LAG3: variants seen among roughly 807,000 people sequenced by gnomAD.
LAG3 encodes the protein lymphocyte activation gene 3 protein.
Under a neutral mutation model 49.0 loss-of-function variants are expected in LAG3, and 29 were observed. The observed-to-expected ratio is 0.59, with a 90% CI of 0.44 to 0.81. The LOEUF (loss-of-function observed/expected upper bound fraction) is 0.81. Ranked by LOEUF, LAG3 falls within the 30% of genes least tolerant of loss-of-function variation. The pLI is 0.00. For missense variants in LAG3, 693 were observed against 695.2 expected, an observed-to-expected ratio of 1.00 and a Z score of 0.04; for synonymous variants, 320 against 297.3, an observed-to-expected ratio of 1.08 and a Z score of -0.79.
At position 6,773,273 on chromosome 12, in the gene LAG3, C is replaced by T; in HGVS notation, c.140C>T (p.Thr47Ile). The T allele has an allele frequency of 6.2e-7, 1 of 1,613,828 alleles. No individual in the cohort carries two copies. Among genetic ancestry groups the T allele is most frequent in the East Asian group, 2.2e-5 (1 of 44,874 alleles). ...GAPAQLPCSP[T>I]IPLQDLSLLR... is the part of the protein sequence containing the mutation. Reference sequence around the variant, plus strand: ...CCTGCCCAGCTCCCCTGCAGCCCCACAATCCCCCTCCAGGATCTCAGCCTT... The same window carrying T: ...CCTGCCCAGCTCCCCTGCAGCCCCATAATCCCCCTCCAGGATCTCAGCCTT... The change falls in exon 2 of 8, where the codon ACA becomes ATA. Residue 47 changes from threonine to isoleucine, a missense_variant. Transcript: ENST00000203629. This position sits in a 1 kb window ranked among gnomAD's most constrained non-coding sequence, Gnocchi z 5.5.
At position 6,772,896 on chromosome 12, in the gene LAG3, T is replaced by G; in HGVS notation, c.44T>G (p.Leu15Arg). 6.2e-7 allele frequency: 1 copy of G among 1,613,596 alleles called. No individual in the cohort carries two copies. The highest frequency in any genetic ancestry group is 8.5e-7 in the Non-Finnish European group (1 of 1,179,868). ...QFLGLLFLQP[L>R]WVAPVKPLQP... ...CTGGGCTTGCTGTTTCTGCAGCCGC[T>G]TTGGGTGGCTCCAGGTAAAACGGGG... Residue 15 changes from leucine to arginine, a missense_variant, in exon 1 of 8, where the codon CTT becomes CGT. Physicochemically the swap from Leu to Arg is moderately radical, Grantham distance 102. Transcript: ENST00000203629.
Position 6,773,277 on chromosome 12 carries a change from C to A in LAG3, c.144C>A (p.Ile48=). ...APAQLPCSPT[I]PLQDLSLLRR... is the part of the protein sequence containing the mutation. ...CCCAGCTCCCCTGCAGCCCCACAAT[C>A]CCCCTCCAGGATCTCAGCCTTCTGC... Residue 48 remains isoleucine, a synonymous_variant, in exon 2 of 8, where the codon ATC becomes ATA. Transcript: ENST00000203629. This position sits in a 1 kb window ranked among gnomAD's most constrained non-coding sequence, Gnocchi z 5.5. The A allele has an allele frequency of 6.2e-7, 1 of 1,613,800 alleles. No individual in the cohort carries two copies. The highest frequency in any genetic ancestry group is 8.5e-7 in the Non-Finnish European group (1 of 1,179,876).
rs375497122 is a variant in LAG3, at chr12:6,778,252, A to T, written c.1440A>T (p.Pro480=). 1 of 1,592,986 alleles carries T rather than the reference A, an allele frequency of 6.3e-7. No individual in the cohort carries two copies. Residue 480 remains proline (P), a synonymous_variant, in exon 8 of 8, where the codon CCA becomes CCT. Transcript: ENST00000203629. ...GFHLWRRQWR[P]RRFSALEQGI... is the part of the protein sequence containing the mutation. The stretch of plus-strand genomic sequence containing the variant: ...TCCATCTCTTCTCACAGTGGCGACC[A>T]AGACGATTTTCTGCCTTAGAGCAAG...
Position 6,773,952 on chromosome 12 carries a change from G to A in LAG3, c.462G>A (p.Arg154=), listed in dbSNP as rs746297010. 13 of 1,437,774 alleles carry A rather than the reference G, an allele frequency of 9.0e-6. No homozygotes were observed. The South Asian group carries it at 1.8e-4, about 20-fold the overall frequency. The allele number at this position is 1,437,774 out of a possible 1,614,324, so 89.1% of individuals were successfully genotyped here. ...AGTACCGCGCCGCGGTGCACCTCAGGGACCGCGCCCTCTCCTGCCGCCTCC... is the reference window on the plus strand; with the variant it reads ...AGTACCGCGCCGCGGTGCACCTCAGAGACCGCGCCCTCTCCTGCCGCCTCC... ...AGEYRAAVHL[R]DRALSCRLRL... The change falls in exon 3 of 8, where the codon AGG becomes AGA. Residue 154 remains arginine (R), a synonymous_variant. Coordinates refer to ENST00000203629, the MANE Select transcript of LAG3 (RefSeq NM_002286.6). The surrounding 1 kb of genome is among the most constrained non-coding windows in gnomAD (Gnocchi z 5.5).
chr12:6,775,145 T>A, intron 4 of LAG3, 128 bp from the exon 5 acceptor site: 1 of 1,097,484 alleles, frequency 9.1e-7, no homozygotes, highest in Admixed American at 2.2e-5. Flanking sequence ...CATCACCTTA[T>A]TCTGCTCCTT....
chr12:6,776,411 A>G (rs1053775733), intron 5 of LAG3, among the ~76,000 whole-genome samples: 5 of 152,154 alleles, frequency 3.3e-5, no homozygotes, highest in Non-Finnish European at 5.9e-5. Flanking sequence ...CTTTCTGTCC[A>G]ATGCCCTCTT....
chr12:6,773,684 C>T lies in LAG3; in HGVS notation c.207-13C>T, dbSNP rs188711312. ...CCCTGGAGCTTCTCAACTCCATTCT[C>T]TTTCCCGCCCAGTGGCCCGCCCGCT... On this transcript the variant is annotated splice_polypyrimidine_tract_variant and intron_variant, in intron 2 of 7. Transcript: ENST00000203629. This position sits in a 1 kb window ranked among gnomAD's most constrained non-coding sequence, Gnocchi z 5.5. 254 of 1,359,514 alleles carry T rather than the reference C, an allele frequency of 1.9e-4. No individual in the cohort carries two copies. The East Asian group carries it at 7.4e-3, about 40-fold the overall frequency. 84.2% of individuals were successfully genotyped at this position (1,359,514 alleles called of 1,614,324 possible). A position where few individuals can be genotyped will look rare whatever the true frequency, so the allele number is the denominator to read the frequency against.
intron 3 of LAG3, among the ~76,000 whole-genome samples, 200 bp downstream of exon 3, chr12:6,774,201 A>G (rs1299087267): frequency 2.0e-5 from 3 of 151,818 alleles, no homozygotes; most frequent in Non-Finnish European, 4.4e-5. Context: ...CTGTGGAGAG[A>G]TTGTGTCACC....
In LAG3 at chr12:6,778,274, C is replaced by A. The variant is rs773580113; in HGVS notation, c.1462C>A (p.Gln488Lys). The A allele has an allele frequency of 4.3e-6, 7 of 1,610,446 alleles. No homozygotes were observed. Among genetic ancestry groups the A allele is most frequent in the Non-Finnish European group, 3.4e-6 (4 of 1,178,320 alleles). Reference protein sequence around the residue: ...WRPRRFSALEQGIHPPQAQSK... With the variant: ...WRPRRFSALEKGIHPPQAQSK... The stretch of plus-strand genomic sequence containing the variant: ...ACCAAGACGATTTTCTGCCTTAGAG[C>A]AAGGGATTCACCCTCCGCAGGCTCA... Residue 488 changes from glutamine (Q) to lysine (K), a missense_variant, in exon 8 of 8, where the codon CAA becomes AAA. Coordinates refer to ENST00000203629, the MANE Select transcript of LAG3 (RefSeq NM_002286.6).
At chr12:6,776,868 A>C (rs1941911044) in intron 5 of LAG3, among the ~76,000 whole-genome samples, 1 of 152,240 alleles carries the variant, frequency 6.6e-6, no homozygotes, top group Non-Finnish European at 1.5e-5. Flanking sequence ...TGCCAGGGCC[A>C]GTTTGAGTGT....
Position 6,774,107 on chromosome 12 carries a change from C to T in LAG3, c.511+106C>T, listed in dbSNP as rs1393873365. The T allele has an allele frequency of 1.6e-5, 21 of 1,327,754 alleles. No individual in the cohort carries two copies. In the African/African-American group the frequency reaches 2.6e-4, roughly 17 times the overall value. 82.2% of individuals were successfully genotyped at this position (1,327,754 alleles called of 1,614,324 possible). A position where few individuals can be genotyped will look rare whatever the true frequency, so the allele number is the denominator to read the frequency against. ...GCAGAGGCTGCGCCCTAGGCCCTGT[C>T]GGAGAGCTCCCAGAAGAGTAGAGGA... On this transcript the variant is annotated intron_variant, in intron 3 of 7. Coordinates refer to ENST00000203629, the MANE Select transcript of LAG3 (RefSeq NM_002286.6).
At chr12:6,775,617 G>A in intron 5 of LAG3, 69 bp downstream of exon 5, 2 of 1,526,766 alleles carry the variant, frequency 1.3e-6, no homozygotes, top group Non-Finnish European at 1.8e-6. Context: ...AGGGCTGGCA[G>A]GGCAAAGACT....
chr12:6,777,766 G>A (rs1941924369), intron 6 of LAG3, 25 bp from the exon 7 acceptor site: 1 of 1,613,222 alleles, frequency 6.2e-7, no homozygotes, highest in African/African-American at 1.3e-5. Context: ...CTGACCCTAT[G>A]CCTCATCCTG....
chr12:6,775,588 G>A (rs1396385065), intron 5 of LAG3, 40 bp downstream of exon 5: 2 of 1,603,814 alleles, frequency 1.2e-6, no homozygotes, highest in Non-Finnish European at 8.5e-7. Flanking sequence ...CCCTCCCAGG[G>A]TAGAAAGGAC....
In LAG3 at chr12:6,777,445, G is replaced by T. The variant is rs1468871145; in HGVS notation, c.1239G>T (p.Gln413His). 11 of 1,614,128 alleles carry T rather than the reference G, an allele frequency of 6.8e-6. No homozygotes were observed. Among genetic ancestry groups the T allele is most frequent in the African/African-American group, 1.3e-5 (1 of 74,946 alleles). Reference protein sequence around the residue: ...AQLLSQPWQCQLYQGERLLGA... With the variant: ...AQLLSQPWQCHLYQGERLLGA... ...TCCTTTCCCAGCCTTGGCAATGCCAGCTGTACCAGGGGGAGAGGCTTCTTG... is the reference window on the plus strand; with the variant it reads ...TCCTTTCCCAGCCTTGGCAATGCCATCTGTACCAGGGGGAGAGGCTTCTTG... The change falls in exon 6 of 8, where the codon CAG (glutamine) becomes CAT (histidine). Residue 413 changes from glutamine to histidine, a missense_variant. Physicochemically the swap from Gln to His is conservative, Grantham distance 24. Coordinates refer to ENST00000203629, the MANE Select transcript of LAG3 (RefSeq NM_002286.6).
rs1286016995 is a variant in LAG3 at position 6,773,712 on chromosome 12, C to T, written c.222C>T (p.Ala74=). The T allele has an allele frequency of 7.4e-7, 1 of 1,351,788 alleles. No individual in the cohort carries two copies. The highest frequency in any genetic ancestry group is 3.4e-5 in the Admixed American group (1 of 29,650). 83.7% of individuals were successfully genotyped at this position (1,351,788 alleles called of 1,614,324 possible). The part of the protein sequence containing the change: ...QHQPDSGPPA[A]APGHPLAPGP... Reference sequence around the variant, plus strand: ...TCCCGCCCAGTGGCCCGCCCGCTGCCGCCCCCGGCCATCCCCTGGCCCCCG... The same window carrying T: ...TCCCGCCCAGTGGCCCGCCCGCTGCTGCCCCCGGCCATCCCCTGGCCCCCG... Residue 74 remains alanine, a synonymous_variant, in exon 3 of 8, where the codon GCC becomes GCT. Coordinates refer to ENST00000203629, the MANE Select transcript of LAG3 (RefSeq NM_002286.6). This position sits in a 1 kb window ranked among gnomAD's most constrained non-coding sequence, Gnocchi z 5.5.
At position 6,773,603 on chromosome 12, in the gene LAG3, G is replaced by C. The variant is rs1592495363; in HGVS notation, c.207-94G>C. The C allele has an allele frequency of 7.6e-7, 1 of 1,320,172 alleles. No homozygotes were observed. The highest frequency in any genetic ancestry group is 4.0e-5 in the Admixed American group (1 of 24,722). The allele number at this position is 1,320,172 out of a possible 1,614,324, so 81.8% of individuals were successfully genotyped here. ...CGGTTGGTGGTCAAGAGAACTCTTG[G>C]GGCGGGCTTTCTCATCCTCAACGGG... On this transcript the variant is annotated intron_variant, in intron 2 of 7. Coordinates refer to ENST00000203629, the MANE Select transcript of LAG3 (RefSeq NM_002286.6). The surrounding 1 kb of genome is among the most constrained non-coding windows in gnomAD (Gnocchi z 5.5).
At position 6,772,577 on chromosome 12, in the gene LAG3, G is replaced by T; in HGVS notation, c.-276G>T. The stretch of plus-strand genomic sequence containing the variant: ...GGCCACTTTGCTCTGTCTGCTCTCC[G>T]CCACGGCCCTGCTCTGTTCCCTGGG... On this transcript the variant is annotated 5_prime_UTR_variant, in exon 1 of 8. Coordinates refer to ENST00000203629, the MANE Select transcript of LAG3 (RefSeq NM_002286.6). 2 of 403,622 alleles carry T rather than the reference G, an allele frequency of 5.0e-6. No homozygotes were observed. Among genetic ancestry groups the T allele is most frequent in the East Asian group, 4.0e-5 (1 of 24,832 alleles). The allele number at this position is 403,622 out of a possible 1,614,324, so 25.0% of individuals were successfully genotyped here.
At chr12:6,776,135 T>C (rs991125941) in intron 5 of LAG3, among the ~76,000 whole-genome samples, 1 of 152,188 alleles carries the variant, frequency 6.6e-6, no homozygotes, top group Non-Finnish European at 1.5e-5. Flanking sequence ...CGGCAGGTGC[T>C]TAATAATGTA....
Sources: allele counts gnomAD v4.1 joint callset (sites outside exome capture counted in the v4.1 genomes callset), GRCh38; gene constraint gnomAD v4.1.1; non-coding constraint Gnocchi (gnomAD v3.1); transcripts MANE v1.5; gene names NCBI Gene and HGNC (gene_info 2026-07-23, HGNC 2026-07-21).